C12orf42: variants seen among roughly 807,000 people sequenced by gnomAD.
C12orf42 encodes the protein uncharacterized protein C12orf42.
Under a neutral mutation model 21.6 loss-of-function variants are expected in C12orf42, and 25 were observed. The ratio of observed to expected loss-of-function variants is 1.16; its 90% CI spans 0.84 to 1.62. C12orf42 has a LOEUF of 1.62. Among genes scored for constraint, C12orf42 ranks in the 40% most tolerant of loss-of-function variants. C12orf42 has a pLI of 0.00. For synonymous variants in C12orf42, 174 were observed against 175.0 expected, an observed-to-expected ratio of 0.99 and a Z score of 0.05; for missense variants, 483 against 459.3, an observed-to-expected ratio of 1.05 and a Z score of -0.47.
chr12:103,258,401 A>G (rs965616220), intron 10 of C12orf42, among the ~76,000 whole-genome samples: 3 of 152,238 alleles, frequency 2.0e-5, no homozygotes, highest in African/African-American at 7.2e-5. Flanking sequence ...GAAGCATTCA[A>G]TTTAAAGGAA....
At chr12:103,335,952 C>T (rs575672220) in intron 4 of C12orf42, among the ~76,000 whole-genome samples, 13 of 152,302 alleles carry the variant, frequency 8.5e-5, no homozygotes, top group East Asian at 7.7e-4. Context: ...AGACTATAAA[C>T]GCCCTGAGGA....
At chr12:103,560,763 C>A in the C12orf42 span, among the ~76,000 whole-genome samples, 2 of 152,172 alleles carry the variant, frequency 1.3e-5, no homozygotes, top group Non-Finnish European at 2.9e-5. Context: ...AAGTCCATGA[C>A]TCATCTTTAT....
intron 10 of C12orf42, among the ~76,000 whole-genome samples, chr12:103,256,177 T>TATAC (rs1342842147): frequency 1.5e-5 from 2 of 129,206 alleles, no homozygotes; most frequent in Admixed American, 8.5e-5. Flanking sequence ...TACACATATA[T>TATAC]ATACATATAT....
At chr12:103,455,926 TACTC>T (rs1219196327) in intron 2 of C12orf42, among the ~76,000 whole-genome samples, 2 of 152,118 alleles carry the variant, frequency 1.3e-5, no homozygotes, top group African/African-American at 4.8e-5. Flanking sequence ...ATGCACCAAT[TACTC>T]TATCTCCTGC....
chr12:103,355,911 A>C (rs1207206743), intron 4 of C12orf42, among the ~76,000 whole-genome samples: 1 of 152,094 alleles, frequency 6.6e-6, no homozygotes, highest in Non-Finnish European at 1.5e-5. Flanking sequence ...CTGAACATTA[A>C]ATATGGGCCA....
At chr12:103,198,670 T>C in the C12orf42 span, among the ~76,000 whole-genome samples, 1 of 152,348 alleles carries the variant, frequency 6.6e-6, no homozygotes, top group African/African-American at 2.4e-5. Flanking sequence ...CAGCTAGGAT[T>C]CCTGAGGTCT....
downstream of C12orf42, among the ~76,000 whole-genome samples, chr12:103,235,477 T>C (rs559814988): frequency 3.3e-4 from 50 of 152,276 alleles, 1 homozygote; most frequent in South Asian, 0.01. Context: ...TAAATACCAA[T>C]CGGTCATGGT....
At chr12:103,343,544 C>T (rs574932638) in intron 4 of C12orf42, among the ~76,000 whole-genome samples, 5 of 152,032 alleles carry the variant, frequency 3.3e-5, no homozygotes, top group South Asian at 4.2e-4. Flanking sequence ...TTTGGGAGGC[C>T]GAGGCGGGCG....
At chr12:103,091,163 T>C in the C12orf42 span, among the ~76,000 whole-genome samples, 5 of 152,184 alleles carry the variant, frequency 3.3e-5, no homozygotes, top group African/African-American at 1.2e-4. Flanking sequence ...TTCTAGCACA[T>C]TCATGTGGGA....
At chr12:103,279,006 A>T (rs2035944717) in intron 4 of C12orf42, among the ~76,000 whole-genome samples, 1 of 152,190 alleles carries the variant, frequency 6.6e-6, no homozygotes, top group Non-Finnish European at 1.5e-5. Context: ...ATTTCACTTA[A>T]CATAATCTCC....
chr12:103,052,767 A>G, the C12orf42 span, among the ~76,000 whole-genome samples: 1 of 152,072 alleles, frequency 6.6e-6, no homozygotes, highest in African/African-American at 2.4e-5. Flanking sequence ...GATATCATCC[A>G]GAGCGTTACT....
At chr12:103,543,294 T>C in the C12orf42 span, among the ~76,000 whole-genome samples, 3,586 of 152,252 alleles carry the variant, frequency 0.024, 139 homozygotes, top group African/African-American at 0.081. Context: ...TGACTATTTA[T>C]TCTCTTCTTA....
intron 1 of C12orf42, among the ~76,000 whole-genome samples, chr12:103,493,947 T>G (rs1245472448): frequency 6.6e-6 from 1 of 152,234 alleles, no homozygotes; most frequent in Non-Finnish European, 1.5e-5. Context: ...TTTCTTTGAA[T>G]TCCAGTAAGT....
At chr12:103,461,135 T>G (rs985479829) in intron 2 of C12orf42, among the ~76,000 whole-genome samples, 3 of 152,238 alleles carry the variant, frequency 2.0e-5, no homozygotes, top group Admixed American at 2.0e-4. Context: ...GGACCCCATT[T>G]ATTGAATTAT....
chr12:103,531,735 TTTGTTTAAAG>T, the C12orf42 span, among the ~76,000 whole-genome samples: 14 of 152,328 alleles, frequency 9.2e-5, no homozygotes, highest in African/African-American at 3.4e-4. Context: ...CATCAGTGAT[TTTGTTTAAAG>T]ACCAAGGCCC....
chr12:103,073,546 CA>C, the C12orf42 span, among the ~76,000 whole-genome samples: 1 of 151,888 alleles, frequency 6.6e-6, no homozygotes, highest in Non-Finnish European at 1.5e-5. Flanking sequence ...ATTCAAAAGG[CA>C]AATGTGTTTT....
chr12:103,476,199 A>C (rs1954038096), intron 2 of C12orf42, among the ~76,000 whole-genome samples: 1 of 152,216 alleles, frequency 6.6e-6, no homozygotes, highest in Admixed American at 6.5e-5. Context: ...ACCATTCACT[A>C]GCTATTTACA....
the C12orf42 span, among the ~76,000 whole-genome samples, chr12:103,528,193 T>C: frequency 2.6e-5 from 4 of 152,246 alleles, no homozygotes; most frequent in East Asian, 7.7e-4. Flanking sequence ...GATATAGACA[T>C]AGATATAGAT....
chr12:103,111,692 T>C, the C12orf42 span, among the ~76,000 whole-genome samples: 4 of 152,204 alleles, frequency 2.6e-5, no homozygotes, highest in South Asian at 2.1e-4. Flanking sequence ...ACTTTTGTTA[T>C]CCGGTGGTCT....
Sources: gnomAD v4.1 joint callset for allele counts (sites outside exome capture counted in the v4.1 genomes callset) on GRCh38, gnomAD v4.1.1 for gene constraint, MANE v1.5 for transcripts, NCBI Gene and HGNC (gene_info 2026-07-23, HGNC 2026-07-21) for gene names.